The following FAM107B variants were observed in gnomAD, a reference collection of about 807,000 sequenced individuals.
FAM107B encodes the protein protein FAM107B.
Under a neutral mutation model 31.5 loss-of-function variants are expected in FAM107B, and 21 were observed. The ratio of observed to expected loss-of-function variants is 0.67; its 90% CI spans 0.47 to 0.96. The LOEUF (loss-of-function observed/expected upper bound fraction) is 0.96, where lower values mean the gene tolerates loss of function less well. Among genes scored for constraint, FAM107B ranks in the 40% least tolerant of loss-of-function variants. The probability of loss-of-function intolerance (pLI) is 0.00; values close to 1 mark genes in which losing one functional copy is unlikely to be tolerated. For synonymous variants in FAM107B, 157 were observed against 141.5 expected (o/e 1.11, Z -0.78); for missense variants, 452 against 377.1 (o/e 1.20, Z -1.64).
intron 2 of FAM107B, among the ~76,000 whole-genome samples, chr10:14,531,011 T>C (rs1231627130): frequency 1.3e-5 from 2 of 152,198 alleles, no homozygotes; most frequent in Non-Finnish European, 2.9e-5. Flanking sequence ...TTATTGGTCA[T>C]AAATCTGTTT....
intron 2 of FAM107B, among the ~76,000 whole-genome samples, chr10:14,584,091 A>G (rs1191598403): frequency 6.6e-6 from 1 of 152,214 alleles, no homozygotes; most frequent in Non-Finnish European, 1.5e-5. Flanking sequence ...TCCGAAAGAA[A>G]GACTGATGGA....
At chr10:14,526,464 C>CCGCCGAGCCGCGG (rs1846248321) in intron 3 of FAM107B, among the ~76,000 whole-genome samples, 1 of 152,210 alleles carries the variant, frequency 6.6e-6, no homozygotes, top group Non-Finnish European at 1.5e-5. Context: ...GCGTGAGCCG[C>CCGCCGAGCCGCGG]CGCGCTGGGC....
At chr10:14,615,970 A>G (rs1388016485) in intron 2 of FAM107B, among the ~76,000 whole-genome samples, 1 of 152,242 alleles carries the variant, frequency 6.6e-6, no homozygotes, top group Non-Finnish European at 1.5e-5. Flanking sequence ...TGACGGAATT[A>G]CTTAGGCATA....
chr10:14,614,673 T>C (rs1171171215), intron 2 of FAM107B, among the ~76,000 whole-genome samples: 1 of 133,894 alleles, frequency 7.5e-6, no homozygotes. Flanking sequence ...CGAGACTCTG[T>C]CTCAAAAAAA....
chr10:14,712,676 G>A (rs193288203), intron 1 of FAM107B, among the ~76,000 whole-genome samples: 5 of 152,104 alleles, frequency 3.3e-5, no homozygotes, highest in Admixed American at 6.6e-5. Context: ...CTTTGATGCA[G>A]TAATTCTAAG....
At chr10:14,774,203 G>A (rs371694087) in intron 1 of FAM107B, 50 bp downstream of exon 1, 9 of 1,550,836 alleles carry the variant, frequency 5.8e-6, no homozygotes, top group Non-Finnish European at 2.6e-6. Context: ...TGATCCCAAC[G>A]CTCCTCCAGC....
At chr10:14,720,339 C>G (rs963957789) in intron 1 of FAM107B, among the ~76,000 whole-genome samples, 1 of 152,162 alleles carries the variant, frequency 6.6e-6, no homozygotes, top group Non-Finnish European at 1.5e-5. Flanking sequence ...CTGCAACCTC[C>G]GCCTCCCGTG....
chr10:14,650,627 G>C (rs369999534), intron 2 of FAM107B, among the ~76,000 whole-genome samples: 3 of 152,198 alleles, frequency 2.0e-5, no homozygotes, highest in African/African-American at 7.2e-5. Context: ...TATTGCTTAC[G>C]TATTGTGCTA....
chr10:14,602,410 G>T (rs1270683679), intron 2 of FAM107B: 1 of 152,178 alleles, frequency 6.6e-6, no homozygotes, highest in Non-Finnish European at 1.5e-5. Context: ...AATGTTACAA[G>T]AGGAAAATAA....
chr10:14,543,709 A>C (rs963285636), intron 2 of FAM107B, among the ~76,000 whole-genome samples: 9 of 149,702 alleles, frequency 6.0e-5, no homozygotes, highest in Non-Finnish European at 8.9e-5. Flanking sequence ...AAAAAAAAAA[A>C]CCAAAAACTC....
At chr10:14,756,284 C>G (rs1832929343) in intron 1 of FAM107B, among the ~76,000 whole-genome samples, 1 of 152,176 alleles carries the variant, frequency 6.6e-6, no homozygotes, top group East Asian at 1.9e-4. Flanking sequence ...TCATCAAACT[C>G]TTTGTGATAG....
chr10:14,669,947 T>C (rs896040223), intron 1 of FAM107B, among the ~76,000 whole-genome samples: 1 of 152,196 alleles, frequency 6.6e-6, no homozygotes, highest in Non-Finnish European at 1.5e-5. Flanking sequence ...TCCCAATACA[T>C]AGAAATCATA....
At position 14,729,965 on chromosome 10, in the gene FAM107B, A is replaced by T. The variant is rs190101191; in HGVS notation, c.411+44288T>A. 2.6e-3 allele frequency among the ~76,000 whole-genome samples: 399 copies of T among 152,250 alleles called. 2 individuals carry two copies. The highest frequency in any genetic ancestry group is 8.7e-3 in the African/African-American group (361 of 41,534). On this transcript the variant is annotated intron_variant, in intron 1 of 4. Coordinates refer to ENST00000181796, the MANE Select transcript of FAM107B (RefSeq NM_031453.4). ...AGAAAACCAAACACCACATGTTCTC[A>T]CTCATAAATGGGAGTTGAACAATGA...
intron 2 of FAM107B, among the ~76,000 whole-genome samples, chr10:14,541,665 C>A (rs192468874): frequency 3.3e-5 from 5 of 152,218 alleles, no homozygotes; most frequent in Admixed American, 1.3e-4. Context: ...TAATTTCCCA[C>A]GTTTCCACAC....
At chr10:14,687,884 C>T (rs1276027894) in intron 1 of FAM107B, among the ~76,000 whole-genome samples, 1 of 152,184 alleles carries the variant, frequency 6.6e-6, no homozygotes, top group Non-Finnish European at 1.5e-5. Flanking sequence ...TACACACATA[C>T]ACACAAATGC....
chr10:14,741,751 C>T (rs1303746525), intron 1 of FAM107B, among the ~76,000 whole-genome samples: 3 of 126,364 alleles, frequency 2.4e-5, no homozygotes, highest in East Asian at 2.5e-4. Context: ...GATGGAGTCT[C>T]GCTCTGTCGC....
chr10:14,534,485 C>G (rs1006362041), intron 2 of FAM107B, among the ~76,000 whole-genome samples: 1 of 152,200 alleles, frequency 6.6e-6, no homozygotes, highest in Non-Finnish European at 1.5e-5. Context: ...AAATACAACT[C>G]TGGTATAAGG....
intron 1 of FAM107B, among the ~76,000 whole-genome samples, chr10:14,729,503 G>GA (rs11404956): frequency 0.79 from 119,285 of 151,896 alleles, 47,685 homozygotes; most frequent in African/African-American, 0.94. Context: ...GTGTCAGGGG[G>GA]CATAAGTATG....
intron 2 of FAM107B, among the ~76,000 whole-genome samples, chr10:14,625,868 T>TAAAAAAAAAAAAAAAAAA (rs58736805): frequency 1.8e-5 from 2 of 108,914 alleles, no homozygotes; most frequent in Non-Finnish European, 1.7e-5. Context: ...GCTCATGGAT[T>TAAAAAAAAAAAAAAAAAA]AAAAAAAAAA....
Sources: gnomAD v4.1 joint callset for allele counts (sites outside exome capture counted in the v4.1 genomes callset) on GRCh38, gnomAD v4.1.1 for gene constraint, MANE v1.5 for transcripts, NCBI Gene and HGNC (gene_info 2026-07-23, HGNC 2026-07-21) for gene names.